Variants in SPATA31H1 observed in about 807,000 individuals in gnomAD.
SPATA31H1 encodes SPATA31 subfamily H member 1, also known as spermatogenesis-associated protein 31H1.
At chr2:27,579,100 C>T in the SPATA31H1 span, 4 of 1,614,088 alleles carry the variant, frequency 2.5e-6, no homozygotes, top group East Asian at 8.9e-5. Flanking sequence ...AGACATCTAC[C>T]ACAAAGCTGG....
chr2:27,574,962 G>A, the SPATA31H1 span: 1 of 398,554 alleles, frequency 2.5e-6, no homozygotes, highest in Non-Finnish European at 4.4e-6. Flanking sequence ...AATGCGGCAA[G>A]ATGTGAAATC....
At chr2:27,577,395 G>A in the SPATA31H1 span, 1 of 1,614,092 alleles carries the variant, frequency 6.2e-7, no homozygotes, top group South Asian at 1.1e-5. The surrounding 1 kb of genome is among the most constrained non-coding windows in gnomAD (Gnocchi z 4.5). Context: ...TTACTTTACA[G>A]AAGCTATGGG....
the SPATA31H1 span, among the ~76,000 whole-genome samples, chr2:27,553,595 A>T: frequency 6.6e-6 from 1 of 152,074 alleles, no homozygotes. Context: ...CAAACAGGAG[A>T]ACCAAGGCAC....
the SPATA31H1 span, chr2:27,580,036 C>T: frequency 6.2e-6 from 10 of 1,614,102 alleles, no homozygotes; most frequent in Admixed American, 6.7e-5. Context: ...CTTGTACGCA[C>T]TCCTGAAGGC....
chr2:27,573,290 A>C, the SPATA31H1 span: 1 of 398,036 alleles, frequency 2.5e-6, no homozygotes, highest in Non-Finnish European at 4.4e-6. Flanking sequence ...CACAGCTTCA[A>C]GGTGTAAAAG....
At chr2:27,581,337 A>G in the SPATA31H1 span, 5 of 1,613,868 alleles carry the variant, frequency 3.1e-6, no homozygotes, top group Middle Eastern at 1.6e-4. Context: ...CTCTCAGAGG[A>G]GCCACTGCAG....
chr2:27,578,835 G>A, the SPATA31H1 span: 1 of 1,614,124 alleles, frequency 6.2e-7, no homozygotes, highest in Non-Finnish European at 8.5e-7. Flanking sequence ...AGGACTTTGG[G>A]ATTCTGGGAT....
At chr2:27,543,032 G>A in the SPATA31H1 span, among the ~76,000 whole-genome samples, 1,578 of 152,078 alleles carry the variant, frequency 0.01, 53 homozygotes, top group African/African-American at 0.036. Context: ...GGCGGAGGTT[G>A]CAGTGAGCCA....
chr2:27,554,596 CAG>C, the SPATA31H1 span, among the ~76,000 whole-genome samples: 3 of 106,446 alleles, frequency 2.8e-5, no homozygotes, highest in East Asian at 8.8e-4. Flanking sequence ...GTTTTTGAGA[CAG>C]AGTCTTGCTC....
the SPATA31H1 span, chr2:27,573,356 A>G: frequency 2.5e-6 from 1 of 398,332 alleles, no homozygotes; most frequent in African/African-American, 2.1e-5. Context: ...TGCAGTGGAT[A>G]CCAGGACCTG....
the SPATA31H1 span, among the ~76,000 whole-genome samples, chr2:27,555,704 GGC>G: frequency 1.3e-5 from 2 of 151,976 alleles, no homozygotes; most frequent in East Asian, 3.9e-4. Flanking sequence ...TATCTAGGTA[GGC>G]ACTTAGTCTC....
chr2:27,538,558 G>A, the SPATA31H1 span, among the ~76,000 whole-genome samples: 1 of 152,156 alleles, frequency 6.6e-6, no homozygotes, highest in Non-Finnish European at 1.5e-5. Flanking sequence ...GTAGCCGGGC[G>A]TGGTGGCTCT....
At chr2:27,575,424 A>G in the SPATA31H1 span, 3 of 398,460 alleles carry the variant, frequency 7.5e-6, no homozygotes, top group Non-Finnish European at 8.8e-6. The surrounding 1 kb of genome is among the most constrained non-coding windows in gnomAD (Gnocchi z 4.1). Context: ...TGTAAAATCT[A>G]TGAAATTCAA....
At chr2:27,548,480 C>A in the SPATA31H1 span, among the ~76,000 whole-genome samples, 1 of 150,960 alleles carries the variant, frequency 6.6e-6, no homozygotes, top group Non-Finnish European at 1.5e-5. Context: ...TGGTGGTGTG[C>A]GCCTGTGGTC....
the SPATA31H1 span, chr2:27,576,172 G>A: frequency 2.2e-5 from 9 of 406,758 alleles, no homozygotes; most frequent in Admixed American, 2.4e-4. Flanking sequence ...GTAGAATCAG[G>A]GACAAAATTT....
At chr2:27,554,799 C>T in the SPATA31H1 span, among the ~76,000 whole-genome samples, 1 of 151,962 alleles carries the variant, frequency 6.6e-6, no homozygotes, top group South Asian at 2.1e-4. Flanking sequence ...GTCTCAAACT[C>T]CTGGCCTTAA....
the SPATA31H1 span, among the ~76,000 whole-genome samples, chr2:27,547,042 T>A: frequency 3.3e-5 from 5 of 151,992 alleles, no homozygotes; most frequent in Non-Finnish European, 5.9e-5. Flanking sequence ...GGTAAATGTA[T>A]ACATGTGGGT....
the SPATA31H1 span, among the ~76,000 whole-genome samples, chr2:27,557,935 C>T: frequency 1.2e-4 from 1 of 8,534 alleles, no homozygotes; most frequent in African/African-American, 4.1e-4. Context: ...ACCTCCCTCC[C>T]GGATGGGGCG....
At chr2:27,577,943 T>A in the SPATA31H1 span, 1 of 1,614,112 alleles carries the variant, frequency 6.2e-7, no homozygotes, top group Admixed American at 1.7e-5. This position sits in a 1 kb window ranked among gnomAD's most constrained non-coding sequence, Gnocchi z 4.5. Context: ...AGAATCAAAG[T>A]ATGAAATCTC....
Sources: gnomAD v4.1 joint callset for allele counts (sites outside exome capture counted in the v4.1 genomes callset) on GRCh38, gnomAD v4.1.1 for gene constraint, Gnocchi (gnomAD v3.1) non-coding constraint, MANE v1.5 for transcripts, NCBI Gene and HGNC (gene_info 2026-07-23, HGNC 2026-07-21) for gene names.